The following NPSR1 variants were observed in gnomAD, a reference collection of about 807,000 sequenced individuals.
NPSR1 encodes the protein neuropeptide S receptor.
Under a neutral mutation model 46.9 loss-of-function variants are expected in NPSR1, and 48 were observed. That is an observed-to-expected ratio of 1.02 (90% CI 0.81 to 1.30). The LOEUF is 1.30. NPSR1 is among the 50% of genes most tolerant of loss of function. The pLI, the probability that NPSR1 is intolerant of heterozygous loss-of-function variation, is 0.00. For synonymous variants in NPSR1, 176 were observed against 168.1 expected (o/e 1.05, Z -0.36); for missense variants, 450 against 449.5 (o/e 1.00, Z -0.01).
chr7:34,692,508 G>T (rs1237127814), intron 2 of NPSR1, among the ~76,000 whole-genome samples: 1 of 152,106 alleles, frequency 6.6e-6, no homozygotes, highest in African/African-American at 2.4e-5. Context: ...ATGAATGAAA[G>T]TAGAGATACA....
chr7:34,809,774 C>A (rs1286954362), intron 3 of NPSR1, among the ~76,000 whole-genome samples: 1 of 152,106 alleles, frequency 6.6e-6, no homozygotes, highest in Admixed American at 6.5e-5. Context: ...CTGATCCTAA[C>A]CCTCCTCCCA....
intron 8 of NPSR1, among the ~76,000 whole-genome samples, chr7:34,871,990 T>C (rs1791465423): frequency 6.6e-6 from 1 of 151,860 alleles, no homozygotes; most frequent in Non-Finnish European, 1.5e-5. Flanking sequence ...GTGGGGACTC[T>C]GTGTAGAGGC....
At chr7:34,828,469 T>C (rs1789961934) in intron 5 of NPSR1, among the ~76,000 whole-genome samples, 1 of 152,228 alleles carries the variant, frequency 6.6e-6, no homozygotes, top group African/African-American at 2.4e-5. Flanking sequence ...CACTTGGCCA[T>C]GCCATGTGGC....
intron 4 of NPSR1, among the ~76,000 whole-genome samples, chr7:34,826,274 TTTCAGTGCATACAA>T (rs1789832090): frequency 1.3e-5 from 2 of 152,196 alleles, no homozygotes; most frequent in Non-Finnish European, 2.9e-5. Context: ...TAATATCTCT[TTTCAGTGCATACAA>T]TTCAGGAAGA....
intron 2 of NPSR1, among the ~76,000 whole-genome samples, chr7:34,706,811 A>G (rs1295230326): frequency 6.6e-6 from 1 of 152,080 alleles, no homozygotes; most frequent in African/African-American, 2.4e-5. Context: ...AATGCTAGGA[A>G]ATCTCTCTCT....
intron 2 of NPSR1, among the ~76,000 whole-genome samples, chr7:34,734,996 T>C (rs1423928331): frequency 6.6e-6 from 1 of 152,172 alleles, no homozygotes; most frequent in Non-Finnish European, 1.5e-5. Flanking sequence ...ACACCACCCT[T>C]AGAGTGAGTA....
chr7:34,685,670 T>G (rs916674895), intron 2 of NPSR1: 36 of 417,850 alleles, frequency 8.6e-5, no homozygotes, highest in Middle Eastern at 3.5e-4. Flanking sequence ...ATTTCAAAAA[T>G]TTATGACACT....
At chr7:34,849,512 C>G in intron 8 of NPSR1, 53 bp from the exon 9 acceptor site, 2 of 1,608,528 alleles carry the variant, frequency 1.2e-6, no homozygotes, top group Non-Finnish European at 8.5e-7. Context: ...GTCTACTTGC[C>G]TTTTCATTAG....
At chr7:34,854,360 T>A (rs1791006529), downstream of NPSR1, among the ~76,000 whole-genome samples, 1 of 152,106 alleles carries the variant, frequency 6.6e-6, no homozygotes, top group Admixed American at 6.5e-5. Flanking sequence ...CAGTTAATAA[T>A]CAAAGACTAT....
In NPSR1 at chr7:34,811,736, G is replaced by A. The variant is rs756948450; in HGVS notation, c.385-34G>A. ...ATTATGTGCCTTCCCTCACCTCTCT[G>A]AAGTCATAAGCTTCCTCTCATTTCT... On this transcript the variant is annotated intron_variant, in intron 3 of 8. Transcript: ENST00000360581. The A allele has an allele frequency of 5.7e-5, 85 of 1,486,376 alleles. 1 individual carries two copies. In the South Asian group the frequency reaches 8.5e-4, roughly 15 times the overall value. The allele number at this position is 1,486,376 out of a possible 1,614,324, so 92.1% of individuals were successfully genotyped here.
At chr7:34,784,709 T>G (rs1177793619) in intron 3 of NPSR1, among the ~76,000 whole-genome samples, 1 of 152,158 alleles carries the variant, frequency 6.6e-6, no homozygotes, top group Non-Finnish European at 1.5e-5. Flanking sequence ...TAAAATGAGT[T>G]AGGGAGGATT....
chr7:34,755,320 G>A (rs1785772685), intron 2 of NPSR1, among the ~76,000 whole-genome samples: 1 of 152,356 alleles, frequency 6.6e-6, no homozygotes, highest in African/African-American at 2.4e-5. Context: ...GTCAGTCAGG[G>A]TGGGAGGGAG....
rs35222744 is a variant in NPSR1, at chr7:34,844,627, C to A, written c.758-269C>A. 2.2e-3 allele frequency among the ~76,000 whole-genome samples: 338 copies of A among 152,324 alleles called. 1 individual carries two copies. Among genetic ancestry groups the A allele is most frequent in the African/African-American group, 8.0e-3 (333 of 41,576 alleles). ...TGGTCACATAGTCTAATTTCAGCTG[C>A]AGCTGTTCAGGCCATCTGACCAAGT... On this transcript the variant is annotated intron_variant, in intron 6 of 8. Transcript: ENST00000360581.
intron 1 of NPSR1, among the ~76,000 whole-genome samples, chr7:34,663,041 T>TTCTC (rs376420280): frequency 0.018 from 1,967 of 108,340 alleles, 54 homozygotes; most frequent in Middle Eastern, 0.035. Flanking sequence ...TGTAGTGCAT[T>TTCTC]TCTCTCTCTC....
chr7:34,861,145 A>G (rs1208997879), intron 8 of NPSR1, among the ~76,000 whole-genome samples: 5 of 151,940 alleles, frequency 3.3e-5, no homozygotes, highest in Non-Finnish European at 5.9e-5. Context: ...CAAAAGCCCA[A>G]TGCCCTACTC....
intron 8 of NPSR1, among the ~76,000 whole-genome samples, chr7:34,867,888 A>G (rs1791352377): frequency 6.6e-6 from 1 of 151,856 alleles, no homozygotes; most frequent in Non-Finnish European, 1.5e-5. Context: ...AAATAAAGTA[A>G]TAAGGTATGC....
intron 8 of NPSR1, among the ~76,000 whole-genome samples, chr7:34,869,444 T>C (rs184554325): frequency 3.3e-5 from 5 of 151,860 alleles, no homozygotes; most frequent in Admixed American, 2.6e-4. Context: ...CATAATGAAC[T>C]ACTGCTAGGA....
intron 3 of NPSR1, among the ~76,000 whole-genome samples, chr7:34,786,795 A>T (rs1473045110): frequency 1.3e-5 from 2 of 152,112 alleles, no homozygotes; most frequent in African/African-American, 4.8e-5. Context: ...TTTGGAAAGG[A>T]ATCTTTTTTT....
chr7:34,695,997 G>T (rs577110081), intron 2 of NPSR1, among the ~76,000 whole-genome samples: 31 of 149,312 alleles, frequency 2.1e-4, no homozygotes, highest in African/African-American at 7.4e-4. Context: ...AAAGACATTT[G>T]CCCTCATATG....
Sources: gnomAD v4.1 joint callset for allele counts (sites outside exome capture counted in the v4.1 genomes callset) on GRCh38, gnomAD v4.1.1 for gene constraint, MANE v1.5 for transcripts, NCBI Gene and HGNC (gene_info 2026-07-23, HGNC 2026-07-21) for gene names.